The following HCN1 variants were observed in gnomAD, a reference collection of about 807,000 sequenced individuals.
HCN1 encodes potassium/sodium hyperpolarization-activated cyclic nucleotide-gated channel 1.
A neutral mutation model predicts 78.9 loss-of-function variants in HCN1; 13 were observed. That is an observed-to-expected ratio of 0.16 (90% confidence interval 0.11 to 0.26). The LOEUF (loss-of-function observed/expected upper bound fraction) is 0.26, where lower values mean the gene tolerates loss of function less well. Ranked by LOEUF, HCN1 falls within the 10% of genes least tolerant of loss-of-function variation. The pLI is 1.00. For missense variants in HCN1, 810 were observed against 1,154.3 expected (o/e 0.70, Z 4.32); for synonymous variants, 552 against 455.5 (o/e 1.21, Z -2.70).
Position 45,303,689 on chromosome 5 carries a change from T to A in HCN1, c.1528A>T (p.Lys510Ter), listed in dbSNP as rs539896753. ...CCGTGTTGAATGAAATACATTTTTT[T>A]ACCCACGGCTCCTTCTCGTATGATA... ...DYIIREGAVG[K>*]KMYFIQHGVA... The change falls in exon 6 of 8, where the codon AAA (lysine) becomes TAA (stop). Residue 510 changes from lysine (K) to a stop codon, truncating the protein, a stop_gained. Transcript: ENST00000303230. LOFTEE classifies it high-confidence loss of function. The A allele has an allele frequency of 6.2e-7, 1 of 1,613,668 alleles. No individual in the cohort carries two copies.
intron 4 of HCN1, among the ~76,000 whole-genome samples, chr5:45,372,969 A>C (rs968808988): frequency 5.7e-5 from 8 of 140,856 alleles, no homozygotes; most frequent in Non-Finnish European, 1.2e-4. Context: ...CATAAAAGAT[A>C]TAAAATAAAT....
chr5:45,313,276 C>A (rs1393210656), intron 5 of HCN1, among the ~76,000 whole-genome samples: 2 of 152,152 alleles, frequency 1.3e-5, no homozygotes, highest in Non-Finnish European at 2.9e-5. Context: ...GAACCTCCAG[C>A]AAACTCCAAC....
chr5:45,666,007 T>TC (rs1561238107), intron 1 of HCN1, among the ~76,000 whole-genome samples: 2 of 151,850 alleles, frequency 1.3e-5, no homozygotes, highest in African/African-American at 4.8e-5. Context: ...TGTAATACTC[T>TC]CCCCCCAAGT....
intron 3 of HCN1, among the ~76,000 whole-genome samples, chr5:45,459,786 C>T (rs1398466401): frequency 6.6e-6 from 1 of 151,878 alleles, no homozygotes; most frequent in South Asian, 2.1e-4. Flanking sequence ...TTGGTTGGTG[C>T]CAATGAATCA....
At chr5:45,458,241 A>C (rs930486361) in intron 3 of HCN1, among the ~76,000 whole-genome samples, 4 of 151,994 alleles carry the variant, frequency 2.6e-5, no homozygotes, top group African/African-American at 4.8e-5. Context: ...AGATACAGTT[A>C]AGAAGGATAT....
intron 2 of HCN1, among the ~76,000 whole-genome samples, chr5:45,561,021 T>C (rs1743588853): frequency 6.6e-6 from 1 of 152,134 alleles, no homozygotes; most frequent in Non-Finnish European, 1.5e-5. Flanking sequence ...GCAGATTCTG[T>C]CTTTGTTTCT....
At chr5:45,494,232 TC>T (rs1454821264) in intron 2 of HCN1, among the ~76,000 whole-genome samples, 1 of 152,034 alleles carries the variant, frequency 6.6e-6, no homozygotes, top group African/African-American at 2.4e-5. Context: ...GTAAAAGTGT[TC>T]CTATTTCTCC....
intron 1 of HCN1, among the ~76,000 whole-genome samples, chr5:45,683,268 T>C (rs1240764473): frequency 6.6e-6 from 1 of 152,126 alleles, no homozygotes; most frequent in African/African-American, 2.4e-5. Context: ...ATAGCTTATG[T>C]TTTTAGTTTT....
At chr5:45,570,892 T>C (rs1743813652) in intron 2 of HCN1, among the ~76,000 whole-genome samples, 1 of 152,148 alleles carries the variant, frequency 6.6e-6, no homozygotes, top group South Asian at 2.1e-4. Context: ...GACAATTTGC[T>C]CCTGTGACAA....
At chr5:45,573,372 T>G (rs918600825) in intron 2 of HCN1, among the ~76,000 whole-genome samples, 1 of 152,102 alleles carries the variant, frequency 6.6e-6, no homozygotes, top group Non-Finnish European at 1.5e-5. Flanking sequence ...CTGCATTTTC[T>G]GCTACCAAAA....
intron 2 of HCN1, among the ~76,000 whole-genome samples, chr5:45,578,801 C>G (rs1318486311): frequency 6.6e-6 from 1 of 151,924 alleles, no homozygotes; most frequent in Non-Finnish European, 1.5e-5. Context: ...TCAAATCAGG[C>G]ACTTTTGCTC....
chr5:45,618,884 T>A (rs1336037159), intron 2 of HCN1, among the ~76,000 whole-genome samples: 1 of 151,882 alleles, frequency 6.6e-6, no homozygotes, highest in Non-Finnish European at 1.5e-5. Context: ...AGTTCACTTT[T>A]TAACATATTG....
chr5:45,537,402 GT>G (rs5867702), intron 2 of HCN1, among the ~76,000 whole-genome samples: 103,625 of 148,148 alleles, frequency 0.7, 36,039 homozygotes, highest in Middle Eastern at 0.8. Context: ...ATTTTTTTTT[GT>G]TTTTTTTTAA....
At chr5:45,270,886 A>G (rs1355923874) in intron 6 of HCN1, among the ~76,000 whole-genome samples, 1 of 152,168 alleles carries the variant, frequency 6.6e-6, no homozygotes, top group Admixed American at 6.5e-5. Context: ...ATATAAGTTT[A>G]GTCAAATTTT....
intron 4 of HCN1, among the ~76,000 whole-genome samples, chr5:45,378,444 TG>T (rs1198859038): frequency 6.6e-6 from 1 of 152,086 alleles, no homozygotes; most frequent in Non-Finnish European, 1.5e-5. Context: ...ATATGTTCCA[TG>T]TGAGTTTGAG....
chr5:45,295,206 C>A (rs1013061982), intron 6 of HCN1, among the ~76,000 whole-genome samples: 9 of 152,000 alleles, frequency 5.9e-5, no homozygotes, highest in African/African-American at 1.9e-4. Flanking sequence ...CTAGAACTCC[C>A]AGGTAATCCA....
intron 3 of HCN1, among the ~76,000 whole-genome samples, chr5:45,426,759 T>C (rs1281774222): frequency 6.6e-6 from 1 of 152,168 alleles, no homozygotes; most frequent in African/African-American, 2.4e-5. Context: ...GCTCTTCATA[T>C]GAAATCTGAG....
intron 2 of HCN1, among the ~76,000 whole-genome samples, chr5:45,543,832 A>T (rs1204530477): frequency 6.6e-6 from 1 of 152,112 alleles, no homozygotes. Flanking sequence ...TCTGTGACAT[A>T]GTTAGAGATA....
chr5:45,580,939 G>A (rs928233496), intron 2 of HCN1, among the ~76,000 whole-genome samples: 41 of 152,252 alleles, frequency 2.7e-4, no homozygotes, highest in Non-Finnish European at 4.0e-4. Flanking sequence ...GTCTATCATT[G>A]TTGGACATTT....
Sources: gnomAD v4.1 joint callset for allele counts (sites outside exome capture counted in the v4.1 genomes callset) on GRCh38, gnomAD v4.1.1 for gene constraint, MANE v1.5 for transcripts, NCBI Gene and HGNC (gene_info 2026-07-23, HGNC 2026-07-21) for gene names.